The following ETV6 variants were observed in gnomAD, a reference collection of about 807,000 sequenced individuals.
ETV6 encodes transcription factor ETV6.
ETV6 carries 16 observed loss-of-function variants against 51.1 expected under a neutral mutation model. That is an observed-to-expected ratio of 0.31 (90% CI 0.21 to 0.48). The LOEUF (loss-of-function observed/expected upper bound fraction) is 0.48, where lower values mean the gene tolerates loss of function less well. ETV6 is among the 20% of genes least tolerant of loss of function. The probability of loss-of-function intolerance (pLI) is 0.99; values close to 1 mark genes in which losing one functional copy is unlikely to be tolerated. For synonymous variants in ETV6, 240 were observed against 224.1 expected (o/e 1.07, Z -0.64); for missense variants, 458 against 594.8 (o/e 0.77, Z 2.39).
chr12:11,734,013 A>G (rs1170929817), intron 1 of ETV6, among the ~76,000 whole-genome samples: 2 of 152,234 alleles, frequency 1.3e-5, no homozygotes, highest in Admixed American at 6.5e-5. Flanking sequence ...TTCCTCCTCA[A>G]GTATCTATCC....
intron 4 of ETV6, among the ~76,000 whole-genome samples, chr12:11,855,878 G>A (rs192932923): frequency 8.2e-4 from 125 of 152,246 alleles, no homozygotes; most frequent in African/African-American, 2.9e-3. Context: ...ATAGCCACCA[G>A]CCACTCCAGA....
intron 1 of ETV6, among the ~76,000 whole-genome samples, chr12:11,720,673 G>C (rs975024798): frequency 1.3e-5 from 2 of 152,070 alleles, no homozygotes; most frequent in Non-Finnish European, 2.9e-5. Context: ...CTTGGCAAAG[G>C]ATTTTTGGCT....
At chr12:11,852,442 T>C (rs1946571476) in intron 3 of ETV6, among the ~76,000 whole-genome samples, 1 of 152,200 alleles carries the variant, frequency 6.6e-6, no homozygotes, top group South Asian at 2.1e-4. Context: ...TTACCACCTC[T>C]AACCGGACTT....
rs367594605 is a variant in ETV6, at chr12:11,650,481, T to TAAAAAAAAAAAAAAA, written c.33+335_33+336insAAAAAAAAAAAAAAA. Among the ~76,000 whole-genome samples the TAAAAAAAAAAAAAAA allele has an allele frequency of 1.3e-3, 57 of 43,308 alleles. 7 individuals carry two copies. Among genetic ancestry groups the TAAAAAAAAAAAAAAA allele is most frequent in the Middle Eastern group, 0.016 (1 of 64 alleles). The allele number at this position is 43,308 out of a possible 152,430, so 28.4% of individuals were successfully genotyped here. ...AAAACACCCCCGTAATTAGTGCGCT[T>TAAAAAAAAAAAAAAA]AAAAAAAAAAAAAACAAAAAACAAA... On this transcript the variant is annotated intron_variant, in intron 1 of 7. Coordinates refer to ENST00000396373, the MANE Select transcript of ETV6 (RefSeq NM_001987.5).
At chr12:11,814,664 C>G (rs936065381) in intron 2 of ETV6, among the ~76,000 whole-genome samples, 1 of 152,176 alleles carries the variant, frequency 6.6e-6, no homozygotes, top group Non-Finnish European at 1.5e-5. Flanking sequence ...GCAGCCCTCT[C>G]TCAGGCTTTG....
rs538417125 is a variant in ETV6 at position 11,802,346 on chromosome 12, T to C, written c.164-36794T>C. ...TGGTTAAATGGACTGCTTAGATTTA[T>C]AACGAGAATGGTACCTGCAGCGACA... is the stretch of plus-strand genomic sequence containing the variant. On this transcript the variant is annotated intron_variant, in intron 2 of 7. Transcript: ENST00000396373. Among the ~76,000 whole-genome samples, 6 of 152,350 alleles carry C rather than the reference T, an allele frequency of 3.9e-5. No individual in the cohort carries two copies. The South Asian group carries it at 1.2e-3, about 32-fold the overall frequency.
intron 2 of ETV6, among the ~76,000 whole-genome samples, chr12:11,756,513 C>T (rs904251024): frequency 1.3e-5 from 2 of 152,152 alleles, no homozygotes; most frequent in South Asian, 4.1e-4. Context: ...GGAACATAAG[C>T]TTTTCATTGT....
chr12:11,798,965 CT>C (rs1415723291), intron 2 of ETV6, among the ~76,000 whole-genome samples: 4 of 152,228 alleles, frequency 2.6e-5, no homozygotes, highest in African/African-American at 4.8e-5. Context: ...GACCCAGTAT[CT>C]GCCAAAACAA....
chr12:11,710,688 ATAGC>A (rs1372094918), intron 1 of ETV6, among the ~76,000 whole-genome samples: 3 of 152,216 alleles, frequency 2.0e-5, no homozygotes, highest in African/African-American at 7.2e-5. Context: ...CTGCTAGTTG[ATAGC>A]TAGGGCATTT....
intron 2 of ETV6, 72 bp from the exon 3 acceptor site, chr12:11,839,068 C>T: frequency 6.7e-7 from 1 of 1,488,852 alleles, no homozygotes; most frequent in Non-Finnish European, 9.1e-7. Context: ...CAGAGACCTT[C>T]TCCCTTTATT....
intron 1 of ETV6, among the ~76,000 whole-genome samples, chr12:11,668,857 T>C (rs1864249141): frequency 6.6e-6 from 1 of 152,174 alleles, no homozygotes; most frequent in East Asian, 1.9e-4. Flanking sequence ...TGTTGGACGT[T>C]GTGGGCCAGC....
At chr12:11,774,068 C>T (rs551215773) in intron 2 of ETV6, among the ~76,000 whole-genome samples, 2 of 152,180 alleles carry the variant, frequency 1.3e-5, no homozygotes, top group East Asian at 1.9e-4. Context: ...TTTGAGAGAC[C>T]GTTGGGAGCA....
intron 1 of ETV6, among the ~76,000 whole-genome samples, chr12:11,658,466 T>C (rs1428532365): frequency 6.6e-6 from 1 of 152,216 alleles, no homozygotes; most frequent in Non-Finnish European, 1.5e-5. Context: ...AACTCCCGAC[T>C]TCAATTGATC....
chr12:11,677,707 G>T (rs1197299834), intron 1 of ETV6, among the ~76,000 whole-genome samples: 1 of 152,222 alleles, frequency 6.6e-6, no homozygotes, highest in African/African-American at 2.4e-5. Flanking sequence ...GGTTACACTA[G>T]TGCCACTTAC....
At chr12:11,835,535 A>G (rs1445531412) in intron 2 of ETV6, among the ~76,000 whole-genome samples, 1 of 152,172 alleles carries the variant, frequency 6.6e-6, no homozygotes, top group East Asian at 1.9e-4. Flanking sequence ...AAGACCAAGC[A>G]CCCATGAGTG....
intron 1 of ETV6, among the ~76,000 whole-genome samples, chr12:11,747,426 T>C (rs1464536936): frequency 6.6e-6 from 1 of 152,136 alleles, no homozygotes; most frequent in Admixed American, 6.5e-5. Context: ...AATCATGAAC[T>C]TCACTTCTGT....
chr12:11,819,404 T>C (rs1717896764), intron 2 of ETV6, among the ~76,000 whole-genome samples: 2 of 152,222 alleles, frequency 1.3e-5, no homozygotes, highest in Non-Finnish European at 1.5e-5. Context: ...AATGTTTTCC[T>C]CTGGAAAACT....
At chr12:11,654,349 A>G (rs527863397) in intron 1 of ETV6, among the ~76,000 whole-genome samples, 2 of 152,090 alleles carry the variant, frequency 1.3e-5, no homozygotes, top group Admixed American at 1.3e-4. Context: ...TATTTTTTAC[A>G]GGGAGGGGAT....
At chr12:11,875,223 G>T (rs2739093) in intron 5 of ETV6, among the ~76,000 whole-genome samples, 67,546 of 151,994 alleles carry the variant, frequency 0.44, 15,822 homozygotes, top group South Asian at 0.57. Flanking sequence ...CTTTGCAAAG[G>T]ATAAGGAGAA....
Sources: allele counts gnomAD v4.1 joint callset (sites outside exome capture counted in the v4.1 genomes callset), GRCh38; gene constraint gnomAD v4.1.1; transcripts MANE v1.5; gene names NCBI Gene and HGNC (gene_info 2026-07-23, HGNC 2026-07-21).